The following SDCCAG8 variants were observed in gnomAD, a reference collection of about 807,000 sequenced individuals.
SDCCAG8 encodes the protein SHH signaling and ciliogenesis regulator SDCCAG8.
Under a neutral mutation model 101.8 loss-of-function variants are expected in SDCCAG8, and 74 were observed. That is an observed-to-expected ratio of 0.73 (90% CI 0.60 to 0.88). The LOEUF is 0.88. Among genes scored for constraint, SDCCAG8 ranks in the 40% least tolerant of loss-of-function variants. The probability of loss-of-function intolerance (pLI) is 0.00; values close to 1 mark genes in which losing one functional copy is unlikely to be tolerated. For missense variants in SDCCAG8, 787 were observed against 822.6 expected (o/e 0.96, Z 0.53); for synonymous variants, 281 against 292.9 (o/e 0.96, Z 0.41).
chr1:243,386,841 C>T (rs576156216), intron 13 of SDCCAG8, among the ~76,000 whole-genome samples: 3 of 152,026 alleles, frequency 2.0e-5, no homozygotes, highest in African/African-American at 2.4e-5. Context: ...TGACACGTGA[C>T]GGTGAATTTT....
intron 12 of SDCCAG8, among the ~76,000 whole-genome samples, chr1:243,354,655 A>T (rs1233493507): frequency 6.6e-6 from 1 of 152,174 alleles, no homozygotes; most frequent in Non-Finnish European, 1.5e-5. Context: ...GATGATCAGG[A>T]ATACATTGGT....
chr1:243,345,767 TA>T (rs34662865), intron 12 of SDCCAG8, among the ~76,000 whole-genome samples: 36,964 of 152,076 alleles, frequency 0.24, 4,640 homozygotes, highest in South Asian at 0.34. Context: ...TGTAAAGGAA[TA>T]ACTTGTTTAG....
chr1:243,441,985 T>C (rs1365752796), intron 16 of SDCCAG8, among the ~76,000 whole-genome samples: 3 of 152,242 alleles, frequency 2.0e-5, no homozygotes, highest in Admixed American at 6.5e-5. Flanking sequence ...TCTATATTAG[T>C]ACTATCAGCT....
intron 1 of SDCCAG8, 131 bp downstream of exon 1, chr1:243,256,371 C>A: frequency 1.3e-6 from 1 of 751,648 alleles, no homozygotes; most frequent in Non-Finnish European, 2.4e-6. Context: ...ATGGATGTTG[C>A]TGTGGTCTTG....
intron 6 of SDCCAG8, chr1:243,293,580 A>G: frequency 2.4e-6 from 1 of 420,706 alleles, no homozygotes; most frequent in East Asian, 6.8e-5. Context: ...TATTTCCCTT[A>G]GCATAATATT....
At chr1:243,478,649 C>T (rs567882170) in intron 16 of SDCCAG8, among the ~76,000 whole-genome samples, 2 of 152,004 alleles carry the variant, frequency 1.3e-5, no homozygotes, top group Admixed American at 6.6e-5. Context: ...GATTTAGGCA[C>T]GGGAAATGTA....
intron 16 of SDCCAG8, among the ~76,000 whole-genome samples, chr1:243,471,895 A>C (rs1235415312): frequency 6.6e-6 from 1 of 152,198 alleles, no homozygotes; most frequent in African/African-American, 2.4e-5. Context: ...CATAATTTAA[A>C]TACTGTATGA....
chr1:243,463,960 G>T (rs1048939293), intron 16 of SDCCAG8, among the ~76,000 whole-genome samples: 27 of 152,166 alleles, frequency 1.8e-4, no homozygotes, highest in African/African-American at 6.5e-4. Context: ...GGTGCCATTG[G>T]CTAGAGAGAC....
At chr1:243,303,251 T>C (rs2071719065) in intron 6 of SDCCAG8, among the ~76,000 whole-genome samples, 1 of 152,242 alleles carries the variant, frequency 6.6e-6, no homozygotes, top group South Asian at 2.1e-4. Context: ...AGAAGGGTTC[T>C]GATTATTCAA....
intron 13 of SDCCAG8, among the ~76,000 whole-genome samples, chr1:243,411,439 G>A (rs765369852): frequency 3.3e-5 from 5 of 152,040 alleles, no homozygotes; most frequent in Middle Eastern, 3.4e-3. Context: ...GCTTTATTGG[G>A]GTAAATTTAA....
At chr1:243,282,656 T>C (rs2069166542) in intron 4 of SDCCAG8, among the ~76,000 whole-genome samples, 1 of 152,242 alleles carries the variant, frequency 6.6e-6, no homozygotes, top group African/African-American at 2.4e-5. Context: ...TTTCTTTCTC[T>C]TTTGAAGGTT....
intron 12 of SDCCAG8, among the ~76,000 whole-genome samples, chr1:243,359,454 G>GA (rs552578847): frequency 1.3e-5 from 2 of 151,792 alleles, no homozygotes; most frequent in African/African-American, 4.8e-5. Flanking sequence ...TGTTATTTTA[G>GA]AAAAAAAATA....
intron 13 of SDCCAG8, among the ~76,000 whole-genome samples, chr1:243,392,809 G>A (rs1443408177): frequency 6.6e-6 from 1 of 152,220 alleles, no homozygotes; most frequent in Non-Finnish European, 1.5e-5. Context: ...CTATGTTGCT[G>A]TGATTCAGTC....
At chr1:243,333,980 T>G (rs2074814177) in intron 10 of SDCCAG8, among the ~76,000 whole-genome samples, 1 of 152,184 alleles carries the variant, frequency 6.6e-6, no homozygotes. Context: ...GATCCTTAAC[T>G]GTATACTGAG....
At chr1:243,476,457 T>C in intron 16 of SDCCAG8, 1 of 711,876 alleles carries the variant, frequency 1.4e-6, no homozygotes, top group African/African-American at 1.9e-5. Flanking sequence ...ATCCCAAGAA[T>C]GGTCAAATAT....
In SDCCAG8 at chr1:243,265,769, C is replaced by T. The variant is rs190979129; in HGVS notation, c.68-4336C>T. Among the ~76,000 whole-genome samples the T allele has an allele frequency of 1.4e-3, 215 of 151,578 alleles. 1 individual carries two copies. The highest frequency in any genetic ancestry group is 5.0e-3 in the African/African-American group (205 of 41,288). On this transcript the variant is annotated intron_variant, in intron 1 of 17. Coordinates refer to ENST00000366541, the MANE Select transcript of SDCCAG8 (RefSeq NM_006642.5). The stretch of plus-strand genomic sequence containing the variant: ...CGGAGGTTGCAGTGAGCCAAGATCG[C>T]ACCATTGCACTCCAGCCTGGGGACA...
chr1:243,296,535 CTTTTTT>C lies in SDCCAG8; in HGVS notation c.675+3336_675+3341del, dbSNP rs756242066. 5.5e-4 allele frequency among the ~76,000 whole-genome samples: 32 copies of C among 57,946 alleles called. 1 individual carries two copies. The highest frequency in any genetic ancestry group is 1.7e-3 in the South Asian group (2 of 1,210). The allele number at this position is 57,946 out of a possible 152,430, so 38.0% of individuals were successfully genotyped here. On this transcript the variant is annotated intron_variant, in intron 6 of 17. Coordinates refer to ENST00000366541, the MANE Select transcript of SDCCAG8 (RefSeq NM_006642.5). ...CCCCCTGTAGTCCACCCCAACTGCT[CTTTTTT>C]TTTTTTTTTTTTTTTTTTTGAGACG...
intron 6 of SDCCAG8, chr1:243,293,640 A>C: frequency 2.7e-6 from 1 of 368,980 alleles, no homozygotes; most frequent in South Asian, 2.1e-5. Flanking sequence ...AGACTGAATA[A>C]TGTTCCATTG....
At chr1:243,306,792 ACTTTG>A (rs1306768481) in intron 7 of SDCCAG8, among the ~76,000 whole-genome samples, 1 of 151,838 alleles carries the variant, frequency 6.6e-6, no homozygotes, top group Non-Finnish European at 1.5e-5. Flanking sequence ...CTTCCCCTCA[ACTTTG>A]GAATGCCATT....
Sources: allele counts gnomAD v4.1 joint callset (sites outside exome capture counted in the v4.1 genomes callset), GRCh38; gene constraint gnomAD v4.1.1; transcripts MANE v1.5; gene names NCBI Gene and HGNC (gene_info 2026-07-23, HGNC 2026-07-21).